Variants in DCLK1 observed in about 807,000 individuals in gnomAD.
The protein encoded by DCLK1 is doublecortin like kinase 1, also known as serine/threonine-protein kinase DCLK1.
DCLK1 carries 16 observed loss-of-function variants against 86.2 expected under a neutral mutation model. The observed-to-expected ratio is 0.19, with a 90% confidence interval of 0.13 to 0.28. The LOEUF (loss-of-function observed/expected upper bound fraction) is 0.28. Among genes scored for constraint, DCLK1 ranks in the 10% least tolerant of loss-of-function variants. The pLI, the probability that DCLK1 is intolerant of heterozygous loss-of-function variation, is 1.00. For synonymous variants in DCLK1, 369 were observed against 370.5 expected, an observed-to-expected ratio of 1.00 and a Z score of 0.05; for missense variants, 590 against 940.2, an observed-to-expected ratio of 0.63 and a Z score of 4.87.
intron 3 of DCLK1, among the ~76,000 whole-genome samples, chr13:36,031,375 C>T (rs1292331627): frequency 2.6e-5 from 4 of 151,016 alleles, no homozygotes; most frequent in Admixed American, 6.6e-5. Context: ...TTCTATAACA[C>T]GGCTCCAAGT....
intron 6 of DCLK1, among the ~76,000 whole-genome samples, chr13:35,840,965 C>G (rs1267139700): frequency 6.6e-6 from 1 of 152,188 alleles, no homozygotes; most frequent in African/African-American, 2.4e-5. Flanking sequence ...TTTTCCAGAA[C>G]AGTGAGATCC....
At chr13:36,078,118 CT>C (rs1884276226) in intron 3 of DCLK1, among the ~76,000 whole-genome samples, 1 of 152,146 alleles carries the variant, frequency 6.6e-6, no homozygotes, top group Admixed American at 6.5e-5. Context: ...GGGATTAGTG[CT>C]CCTATAAGAC....
chr13:35,896,745 C>G (rs945370902), intron 4 of DCLK1, among the ~76,000 whole-genome samples: 14 of 152,066 alleles, frequency 9.2e-5, no homozygotes, highest in Admixed American at 7.9e-4. Context: ...CAGTCCCTAC[C>G]TCAGGTAAAC....
intron 3 of DCLK1, among the ~76,000 whole-genome samples, chr13:36,060,270 CA>C (rs1883492323): frequency 6.6e-6 from 1 of 152,148 alleles, no homozygotes; most frequent in Non-Finnish European, 1.5e-5. Flanking sequence ...CTTAGTATAA[CA>C]AAATGCCTAT....
intron 3 of DCLK1, among the ~76,000 whole-genome samples, chr13:35,963,261 G>A (rs7991091): frequency 0.46 from 70,102 of 152,052 alleles, 17,729 homozygotes; most frequent in Non-Finnish European, 0.56. Context: ...GTGAACTGGG[G>A]AGGTGAATTT....
intron 1 of DCLK1, among the ~76,000 whole-genome samples, chr13:36,129,567 T>C (rs1221751310): frequency 1.3e-5 from 2 of 152,212 alleles, no homozygotes; most frequent in Admixed American, 6.5e-5. Flanking sequence ...AAATAGGTGT[T>C]CTTTCCCTCA....
intron 15 of DCLK1, among the ~76,000 whole-genome samples, chr13:35,796,739 G>C (rs1593598454): frequency 2.0e-5 from 3 of 152,168 alleles, no homozygotes; most frequent in South Asian, 2.1e-4. Context: ...CCCACACCAG[G>C]TTGCATCAAT....
chr13:35,808,513 C>T (rs4329793), intron 13 of DCLK1, among the ~76,000 whole-genome samples, 193 bp from the exon 14 acceptor site: 3,695 of 152,266 alleles, frequency 0.024, 54 homozygotes, highest in African/African-American at 0.037. Context: ...CCGGGTGCGG[C>T]GGCTCACACC....
intron 4 of DCLK1, among the ~76,000 whole-genome samples, chr13:35,920,210 G>C (rs1370039896): frequency 3.3e-5 from 5 of 152,068 alleles, no homozygotes; most frequent in African/African-American, 1.2e-4. Flanking sequence ...AACCTTCCAT[G>C]AGACTTTCCA....
chr13:35,799,235 G>GTTAGA (rs2086871021), intron 15 of DCLK1, among the ~76,000 whole-genome samples: 1 of 133,576 alleles, frequency 7.5e-6, no homozygotes, highest in African/African-American at 3.3e-5. Context: ...TGGGCTTCAG[G>GTTAGA]CTTGAGCCTC....
chr13:35,796,626 T>C (rs536710163), intron 15 of DCLK1, among the ~76,000 whole-genome samples: 1 of 152,284 alleles, frequency 6.6e-6, no homozygotes, highest in Non-Finnish European at 1.5e-5. Context: ...ATTTTGAACA[T>C]GGGCAAAATG....
rs1870117381 is a variant in DCLK1, at chr13:35,845,582, C to T, written c.1036-6406G>A. ...AAACTGCATGTTAATTTCTTCTCCTCAATGAGTTATCGATATGTCTGACAA... is the reference window on the plus strand; with the variant it reads ...AAACTGCATGTTAATTTCTTCTCCTTAATGAGTTATCGATATGTCTGACAA... On this transcript the variant is annotated intron_variant, in intron 6 of 16. Coordinates refer to ENST00000360631, the MANE Select transcript of DCLK1 (RefSeq NM_001330071.2). 3.3e-5 allele frequency among the ~76,000 whole-genome samples: 5 copies of T among 152,292 alleles called. No individual in the cohort carries two copies. In the South Asian group the frequency reaches 8.3e-4, roughly 25 times the overall value.
At chr13:36,076,516 T>C (rs1283768262) in intron 3 of DCLK1, among the ~76,000 whole-genome samples, 1 of 152,238 alleles carries the variant, frequency 6.6e-6, no homozygotes, top group African/African-American at 2.4e-5. Context: ...TGCTATTGTA[T>C]GTCCTTCTGA....
intron 4 of DCLK1, among the ~76,000 whole-genome samples, chr13:35,931,247 C>T (rs1418945822): frequency 6.6e-6 from 1 of 152,130 alleles, no homozygotes; most frequent in South Asian, 2.1e-4. Flanking sequence ...CTCTTTTCAA[C>T]TCTCTGCTAT....
intron 3 of DCLK1, among the ~76,000 whole-genome samples, chr13:36,099,220 G>A (rs534200808): frequency 6.6e-6 from 1 of 152,198 alleles, no homozygotes; most frequent in East Asian, 1.9e-4. Context: ...AGCCTGCCTC[G>A]GCCTCCCAAA....
chr13:36,034,439 T>G (rs938449339), intron 3 of DCLK1, among the ~76,000 whole-genome samples: 22 of 152,176 alleles, frequency 1.4e-4, no homozygotes, highest in African/African-American at 5.3e-4. Context: ...TTTCCCCAGC[T>G]CTCCCTGTGA....
At position 35,914,211 on chromosome 13, in the gene DCLK1, C is replaced by T. The variant is rs1266610092; in HGVS notation, c.823+33147G>A. Among the ~76,000 whole-genome samples the T allele has an allele frequency of 4.6e-5, 7 of 151,030 alleles. No individual in the cohort carries two copies. In the South Asian group the frequency reaches 1.0e-3, roughly 23 times the overall value. On this transcript the variant is annotated intron_variant, in intron 4 of 16. Transcript: ENST00000360631. ...GCATGTGCCTATAGTCCCAGCTACT[C>T]GAGAGGCTGAGGTGGGAGGATCACT...
chr13:36,102,574 G>A (rs530911589), intron 3 of DCLK1, among the ~76,000 whole-genome samples: 1 of 152,282 alleles, frequency 6.6e-6, no homozygotes, highest in Non-Finnish European at 1.5e-5. Context: ...ACTACCTTGT[G>A]TTTTTCCCTC....
intron 4 of DCLK1, among the ~76,000 whole-genome samples, chr13:35,899,635 A>T (rs918365166): frequency 6.6e-6 from 1 of 152,202 alleles, no homozygotes; most frequent in Non-Finnish European, 1.5e-5. Flanking sequence ...AAAAAGTGTT[A>T]GATTAACTTG....
Sources: allele counts gnomAD v4.1 joint callset (sites outside exome capture counted in the v4.1 genomes callset), GRCh38; gene constraint gnomAD v4.1.1; transcripts MANE v1.5; gene names NCBI Gene and HGNC (gene_info 2026-07-23, HGNC 2026-07-21).